The following HYDIN variants were observed in gnomAD, a reference collection of about 807,000 sequenced individuals.
The protein encoded by HYDIN is axonemal central pair apparatus protein HYDIN.
In HYDIN, 132 loss-of-function variants were observed where a neutral mutation model predicts 403.9. The ratio of observed to expected loss-of-function variants is 0.33; its 90% CI spans 0.28 to 0.38. The LOEUF is 0.38. HYDIN is among the 10% of genes least tolerant of loss of function. HYDIN has a pLI of 1.00. For missense variants in HYDIN, 2,827 were observed against 5,009.5 expected (o/e 0.56, Z 13.15); for synonymous variants, 1,202 against 1,891.7 (o/e 0.64, Z 9.46).
intron 22 of HYDIN, among the ~76,000 whole-genome samples, chr16:71,019,703 C>A (rs530632117): frequency 6.5e-3 from 983 of 150,858 alleles, no homozygotes; most frequent in Non-Finnish European, 0.011. Context: ...AAAGAAGAAA[C>A]GAGAAATTTA....
At chr16:70,944,180 G>A (rs2143892323) in intron 41 of HYDIN, among the ~76,000 whole-genome samples, 1 of 152,336 alleles carries the variant, frequency 6.6e-6, no homozygotes, top group Middle Eastern at 3.4e-3. Flanking sequence ...ACTGCACGCA[G>A]CTTTTCATTC....
At chr16:70,824,731 A>G (rs2036482180) in intron 83 of HYDIN, among the ~76,000 whole-genome samples, 1 of 151,052 alleles carries the variant, frequency 6.6e-6, no homozygotes, top group Admixed American at 6.6e-5. Flanking sequence ...AAAGTGCTGG[A>G]ATTACAGGCA....
At chr16:70,970,979 G>A (rs1383882651) in intron 35 of HYDIN, among the ~76,000 whole-genome samples, 1 of 152,110 alleles carries the variant, frequency 6.6e-6, no homozygotes, top group Admixed American at 6.6e-5. Context: ...ATAAATTCTG[G>A]GTATCTAGCA....
At chr16:70,861,986 G>T (rs2039442763) in intron 69 of HYDIN, 62 bp downstream of exon 69, 2 of 1,454,104 alleles carry the variant, frequency 1.4e-6, no homozygotes, top group South Asian at 1.4e-5. Context: ...CAGAAAAGGG[G>T]ATAAGAGCCA....
rs113693043 is a variant in HYDIN at position 71,067,041 on chromosome 16, G to A, written c.2075+249C>T. The A allele has an allele frequency of 7.9e-4, 509 of 641,490 alleles. 4 individuals carry two copies. The highest frequency in any genetic ancestry group is 7.8e-3 in the African/African-American group (430 of 55,206). The allele number at this position is 641,490 out of a possible 1,614,324, so 39.7% of individuals were successfully genotyped here. A position where few individuals can be genotyped will look rare whatever the true frequency, so the allele number is the denominator to read the frequency against. On this transcript the variant is annotated intron_variant, in intron 15 of 85. Coordinates refer to ENST00000393567, the MANE Select transcript of HYDIN (RefSeq NM_001270974.2). ...AAACCCGTTAGAGAGGGTCTGACCC[G>A]TTTTTTCACTATTCTTAGGATTCTC...
intron 18 of HYDIN, 151 bp downstream of exon 18, chr16:71,060,353 A>C (rs113723894): frequency 5.9e-6 from 4 of 676,726 alleles, no homozygotes; most frequent in Non-Finnish European, 1.0e-5. Flanking sequence ...TATTATAATA[A>C]AGAAGAACTG....
In HYDIN at chr16:71,067,295, T is replaced by C. The variant is rs893499927; in HGVS notation, c.2070A>G (p.Thr690=). Residue 690 remains threonine, a synonymous_variant, in exon 15 of 86, where the codon ACA becomes ACG. Transcript: ENST00000393567. ...IGEEVLALLI[T]ARCVVPALHL... The stretch of plus-strand genomic sequence containing the variant: ...AGCAAGCTGGGGAGCAATACCTTGC[T>C]GTAATTAAGAGCGCCAGCACCTCTT... 2 of 1,608,924 alleles carry C rather than the reference T, an allele frequency of 1.2e-6. No individual in the cohort carries two copies. The highest frequency in any genetic ancestry group is 2.7e-5 in the African/African-American group (2 of 74,680).
rs200717229 is a variant in HYDIN at position 71,041,219 on chromosome 16, G to GA, written c.2530-9303dup. Among the ~76,000 whole-genome samples the GA allele has an allele frequency of 7.3e-3, 1,074 of 147,998 alleles. 10 individuals are homozygous for GA. Among genetic ancestry groups the GA allele is most frequent in the African/African-American group, 0.026 (1,029 of 39,476 alleles). The stretch of plus-strand genomic sequence containing the variant: ...ATTTTTTCATCTGTCAGACTTGGCC[G>GA]AAAAAATCCACAAAAATGTTAGCAA... On this transcript the variant is annotated intron_variant, in intron 18 of 85. Transcript: ENST00000393567.
At position 70,858,226 on chromosome 16, in the gene HYDIN, C is replaced by A. The variant is rs1366221270; in HGVS notation, c.12130-356G>T. Among the ~76,000 whole-genome samples the A allele has an allele frequency of 2.6e-5, 4 of 151,952 alleles. No individual in the cohort carries two copies. The East Asian group carries it at 7.8e-4, about 30-fold the overall frequency. On this transcript the variant is annotated intron_variant, in intron 71 of 85. Transcript: ENST00000393567. ...CCCCATACTTGTCAATAGCTGGGCA[C>A]ACAGCCAAAGACAATATGATTAGCC... is the stretch of plus-strand genomic sequence containing the variant.
chr16:70,951,061 C>T (rs2078051063), intron 41 of HYDIN, among the ~76,000 whole-genome samples: 1 of 152,028 alleles, frequency 6.6e-6, no homozygotes, highest in South Asian at 2.1e-4. Flanking sequence ...ACAGCGAGAT[C>T]CCATCCCTAC....
intron 45 of HYDIN, among the ~76,000 whole-genome samples, chr16:70,934,019 A>G (rs1191971331): frequency 6.6e-6 from 1 of 152,152 alleles, no homozygotes; most frequent in African/African-American, 2.4e-5. Context: ...GAAAGAAACC[A>G]GGGAGAAGGA....
At chr16:71,035,523 G>T (rs1193779463) in intron 18 of HYDIN, among the ~76,000 whole-genome samples, 1 of 134,686 alleles carries the variant, frequency 7.4e-6, no homozygotes, top group African/African-American at 2.7e-5. Flanking sequence ...TTTTCAGTTG[G>T]CATACACAAT....
chr16:70,942,909 C>T (rs2077726822), intron 42 of HYDIN, among the ~76,000 whole-genome samples: 1 of 152,132 alleles, frequency 6.6e-6, no homozygotes, highest in Non-Finnish European at 1.5e-5. Context: ...AACATTGGCA[C>T]ACTTATGGGA....
At chr16:71,194,178 T>G (rs944148243) in intron 1 of HYDIN, among the ~76,000 whole-genome samples, 1 of 152,194 alleles carries the variant, frequency 6.6e-6, no homozygotes, top group African/African-American at 2.4e-5. Context: ...TTTGGGAGGC[T>G]GAGGCAGGTA....
In HYDIN at chr16:70,981,559, T is replaced by A; in HGVS notation, c.4342A>T (p.Ser1448Cys). 1 of 1,611,780 alleles carries A rather than the reference T, an allele frequency of 6.2e-7. No homozygotes were observed. The stretch of plus-strand genomic sequence containing the variant: ...TTTAATACCTGCTCTTGATGTGAAC[T>A]GATAAAGCCCTACGCGGTAGAAAGA... ...PLILPVSGFI[S>C]SHQEQVLKVY... Residue 1448 changes from serine to cysteine, a missense_variant, in exon 29 of 86, where the codon AGT becomes TGT. Transcript: ENST00000393567.
intron 73 of HYDIN, among the ~76,000 whole-genome samples, chr16:70,851,610 C>G (rs1313065594): frequency 6.6e-6 from 1 of 151,310 alleles, no homozygotes; most frequent in African/African-American, 2.4e-5. Flanking sequence ...AAAGGGAACA[C>G]TTATACACTA....
At chr16:70,827,712 TA>T (rs2036681091) in intron 82 of HYDIN, among the ~76,000 whole-genome samples, 1 of 149,962 alleles carries the variant, frequency 6.7e-6, no homozygotes, top group Non-Finnish European at 1.5e-5. Context: ...AGAAGGAAGA[TA>T]AGATGCTCCA....
chr16:71,061,861 A>AGTGTGTGTGTGTGTGTGTGTGTGTGT (rs66689823), intron 17 of HYDIN, among the ~76,000 whole-genome samples: 2 of 144,020 alleles, frequency 1.4e-5, no homozygotes, highest in African/African-American at 5.3e-5. Context: ...CATGTGTGAC[A>AGTGTGTGTGTGTGTGTGTGTGTGTGT]GTGTGTGTGT....
rs2078711103 is a variant in HYDIN, at chr16:70,970,831, T to C, written c.5380-72A>G. 2.0e-6 allele frequency: 3 copies of C among 1,483,580 alleles called. No individual in the cohort carries two copies. The African/African-American group carries it at 4.2e-5, about 21-fold the overall frequency. 91.9% of individuals were successfully genotyped at this position (1,483,580 alleles called of 1,614,324 possible). On this transcript the variant is annotated intron_variant, in intron 35 of 85. Transcript: ENST00000393567. ...CATGTCATGTAAAACAAAACACTGCTGAGGGGAAAAAACTTATCTATTTAG... is the reference window on the plus strand; with the variant it reads ...CATGTCATGTAAAACAAAACACTGCCGAGGGGAAAAAACTTATCTATTTAG...
Sources: allele counts gnomAD v4.1 joint callset (sites outside exome capture counted in the v4.1 genomes callset), GRCh38; gene constraint gnomAD v4.1.1; transcripts MANE v1.5; gene names NCBI Gene and HGNC (gene_info 2026-07-23, HGNC 2026-07-21).